Variants in KLHL13 observed in about 807,000 individuals in gnomAD.
KLHL13 encodes kelch-like protein 13.
KLHL13 carries 10 observed loss-of-function variants against 37.1 expected under a neutral mutation model. The ratio of observed to expected loss-of-function variants is 0.27; its 90% CI spans 0.17 to 0.46. The LOEUF is 0.46. Ranked by LOEUF, KLHL13 falls within the 20% of genes least tolerant of loss-of-function variation. KLHL13 has a pLI of 1.00. For synonymous variants in KLHL13, 163 were observed against 181.2 expected (o/e 0.90, Z 0.81); for missense variants, 360 against 509.3 (o/e 0.71, Z 2.82).
At position 118,021,169 on chromosome X, in the gene KLHL13, G is replaced by A. The variant is rs187806660; in HGVS notation, c.-55-75594C>T. On this transcript the variant is annotated intron_variant, in intron 1 of 6. Coordinates refer to the KLHL13 transcript ENST00000371882. ...TAAAAAAATACAGTATTTTTTGTTC[G>A]ATATCTGCCTTATTTCATTTAGCAT... Among the ~76,000 whole-genome samples, 160 of 107,373 alleles carry A rather than the reference G, an allele frequency of 1.5e-3. 2 individuals are homozygous for A. Among genetic ancestry groups the A allele is most frequent in the African/African-American group, 5.2e-3 (155 of 29,568 alleles). The allele number at this position is 107,373 out of a possible 115,157, so 93.2% of individuals were successfully genotyped here. A position where few individuals can be genotyped will look rare whatever the true frequency, so the allele number is the denominator to read the frequency against.
chrX:118,047,967 A>C (rs1438097734), intron 1 of KLHL13, among the ~76,000 whole-genome samples: 1 of 111,629 alleles, frequency 9.0e-6, no homozygotes, highest in Non-Finnish European at 1.9e-5. Context: ...CTGAGAGATT[A>C]AGTAAGGAAG....
intron 1 of KLHL13, among the ~76,000 whole-genome samples, chrX:118,069,422 A>T (rs2054832543): frequency 2.7e-4 from 2 of 7,439 alleles, no homozygotes; most frequent in South Asian, 0.018. Context: ...TTAAAATGTA[A>T]AAAAAAAAAA....
intron 1 of KLHL13, among the ~76,000 whole-genome samples, chrX:117,982,666 T>G (rs1311880569): frequency 8.9e-6 from 1 of 112,307 alleles, no homozygotes; most frequent in Non-Finnish European, 1.9e-5. Flanking sequence ...AATGTAGATA[T>G]CTGAAGGTGG....
chrX:117,953,102 A>C lies in KLHL13; in HGVS notation c.99-7527T>G, dbSNP rs1374962563. The stretch of plus-strand genomic sequence containing the variant: ...ATCATGCTGCTATAAAGACACATGC[A>C]CACGTATGTTTATTGCGGCACTATT... On this transcript the variant is annotated intron_variant, in intron 1 of 6. Transcript: ENST00000262820. Among the ~76,000 whole-genome samples, 6 of 110,553 alleles carry C rather than the reference A, an allele frequency of 5.4e-5. No individual in the cohort carries two copies. In the Admixed American group the frequency reaches 5.8e-4, roughly 11 times the overall value.
chrX:118,004,059 T>C (rs1321237214), intron 1 of KLHL13, among the ~76,000 whole-genome samples: 1 of 110,912 alleles, frequency 9.0e-6, no homozygotes, highest in Non-Finnish European at 1.9e-5. Context: ...GGCAAGGGTG[T>C]GTCAACAGGG....
chrX:117,903,276 C>A (rs981692908), intron 5 of KLHL13, among the ~76,000 whole-genome samples: 1 of 110,568 alleles, frequency 9.0e-6, no homozygotes, highest in African/African-American at 3.3e-5. Flanking sequence ...CTTTTCTCCT[C>A]CAAGCACACC....
intron 1 of KLHL13, among the ~76,000 whole-genome samples, 195 bp from the exon 2 acceptor site, chrX:118,028,692 A>G (rs1479779987): frequency 8.9e-6 from 1 of 112,388 alleles, no homozygotes; most frequent in Non-Finnish European, 1.9e-5. Context: ...AAGTAAAAAT[A>G]TCTATGAAAT....
intron 1 of KLHL13, among the ~76,000 whole-genome samples, chrX:118,039,104 C>T (rs2054481312): frequency 8.9e-6 from 1 of 112,240 alleles, no homozygotes; most frequent in Non-Finnish European, 1.9e-5. Context: ...CAGGATTAAT[C>T]ATCTGCTGAT....
intron 1 of KLHL13, among the ~76,000 whole-genome samples, chrX:118,056,807 T>C (rs983380619): frequency 8.9e-6 from 1 of 111,961 alleles, no homozygotes; most frequent in African/African-American, 3.2e-5. Flanking sequence ...AGAATGTTAC[T>C]AGGTAAAAAT....
At chrX:117,907,930 C>T (rs907995891) in intron 5 of KLHL13, among the ~76,000 whole-genome samples, 3 of 110,890 alleles carry the variant, frequency 2.7e-5, no homozygotes, top group African/African-American at 9.8e-5. Flanking sequence ...GTCTCAAATA[C>T]ATTAAACTAT....
intron 1 of KLHL13, among the ~76,000 whole-genome samples, chrX:117,990,969 T>C (rs1003576020): frequency 2.7e-5 from 3 of 109,719 alleles, no homozygotes; most frequent in Non-Finnish European, 5.7e-5. Context: ...GACAATGGGG[T>C]TCCCCAAAGG....
At chrX:117,919,887 A>G (rs946422306) in intron 3 of KLHL13, among the ~76,000 whole-genome samples, 170 bp from the exon 5 acceptor site, 5 of 109,965 alleles carry the variant, frequency 4.5e-5, no homozygotes, top group African/African-American at 1.7e-4. Context: ...CTTAAAAAAG[A>G]TAATCTCTAT....
At chrX:118,073,299 C>A (rs964064951) in intron 1 of KLHL13, among the ~76,000 whole-genome samples, 3 of 111,062 alleles carry the variant, frequency 2.7e-5, no homozygotes, top group Non-Finnish European at 3.8e-5. Context: ...AGGAGGAAGT[C>A]ACATCATACA....
intron 5 of KLHL13, 112 bp from the exon 7 acceptor site, chrX:117,902,058 T>C: frequency 2.3e-6 from 1 of 433,985 alleles, no homozygotes; most frequent in Non-Finnish European, 4.1e-6. Context: ...ACATATCTAT[T>C]ATAGCTATGA....
intron 1 of KLHL13, among the ~76,000 whole-genome samples, chrX:118,023,758 G>T (rs1377048391): frequency 9.0e-6 from 1 of 110,941 alleles, no homozygotes. Flanking sequence ...TTTTAGTAGA[G>T]ACAGGATTTC....
chrX:117,935,623 G>A (rs1319210806), intron 2 of KLHL13, among the ~76,000 whole-genome samples: 3 of 111,491 alleles, frequency 2.7e-5, no homozygotes, highest in African/African-American at 9.8e-5. Context: ...GGTGAGAACA[G>A]GAGGAAGAGA....
chrX:118,039,618 C>T (rs1404496915), intron 1 of KLHL13, among the ~76,000 whole-genome samples: 1 of 111,913 alleles, frequency 8.9e-6, no homozygotes, highest in Admixed American at 9.4e-5. Flanking sequence ...TAGGCTTTAA[C>T]TCCCAGACAG....
Position 117,916,183 on chromosome X carries a change from A to C in KLHL13, c.570+3338T>G, listed in dbSNP as rs867779788. Among the ~76,000 whole-genome samples the C allele has an allele frequency of 9.3e-3, 1,041 of 111,818 alleles. 17 individuals carry two copies. Among genetic ancestry groups the C allele is most frequent in the African/African-American group, 0.031 (963 of 30,868 alleles). On this transcript the variant is annotated intron_variant, in intron 4 of 6. Transcript: ENST00000262820. ...CAAAAAACAAAACAAACAAACAAAA[A>C]AAAAAACACTAGCTAATGGGCACAG...
At chrX:118,089,739 A>C (rs1221009154) in intron 1 of KLHL13, among the ~76,000 whole-genome samples, 1 of 111,058 alleles carries the variant, frequency 9.0e-6, no homozygotes, top group Non-Finnish European at 1.9e-5. Flanking sequence ...CCATCAAAAA[A>C]ATCATTTGCC....
Sources: allele counts gnomAD v4.1 joint callset (sites outside exome capture counted in the v4.1 genomes callset), GRCh38; gene constraint gnomAD v4.1.1; transcripts MANE v1.5; gene names NCBI Gene and HGNC (gene_info 2026-07-23, HGNC 2026-07-21).